Variants in NOS1AP observed in about 807,000 individuals in gnomAD.
The protein encoded by NOS1AP is carboxyl-terminal PDZ ligand of neuronal nitric oxide synthase protein.
A neutral mutation model predicts 56.2 loss-of-function variants in NOS1AP; 21 were observed. The observed-to-expected ratio is 0.37, with a 90% CI of 0.26 to 0.54. The LOEUF (loss-of-function observed/expected upper bound fraction) is 0.54, where lower values mean the gene tolerates loss of function less well. Among genes scored for constraint, NOS1AP ranks in the 20% least tolerant of loss-of-function variants. The pLI is 0.84. For missense variants in NOS1AP, 522 were observed against 657.8 expected (o/e 0.79, Z 2.26); for synonymous variants, 270 against 274.6 (o/e 0.98, Z 0.17).
intron 4 of NOS1AP, among the ~76,000 whole-genome samples, chr1:162,306,940 G>A (rs945486412): frequency 6.7e-6 from 1 of 148,896 alleles, no homozygotes; most frequent in Non-Finnish European, 1.5e-5. Flanking sequence ...TCCAGCCTGG[G>A]CAACAGAGTG....
intron 2 of NOS1AP, among the ~76,000 whole-genome samples, chr1:162,198,618 G>T (rs1490595027): frequency 6.6e-6 from 1 of 152,286 alleles, no homozygotes. Flanking sequence ...CATCTGCATG[G>T]TATTTGTTAG....
At position 162,247,700 on chromosome 1, in the gene NOS1AP, C is replaced by CG. The variant is rs397966688; in HGVS notation, c.178-39644_178-39643insG. 4.4e-3 allele frequency among the ~76,000 whole-genome samples: 670 copies of CG among 152,238 alleles called. 7 individuals are homozygous for CG. Among genetic ancestry groups the CG allele is most frequent in the African/African-American group, 0.016 (652 of 41,520 alleles). On this transcript the variant is annotated intron_variant, in intron 2 of 9. Transcript: ENST00000361897. ...AAAATAATTTTTGTCCCGTCCCCCC[C>CG]ACATTGTCCTCCTTCCATACCTACT...
intron 2 of NOS1AP, among the ~76,000 whole-genome samples, chr1:162,270,552 TAA>T (rs1359801218): frequency 6.6e-6 from 1 of 152,218 alleles, no homozygotes; most frequent in Admixed American, 6.5e-5. Context: ...GAGGTTTTTA[TAA>T]AGTGATATTT....
intron 2 of NOS1AP, among the ~76,000 whole-genome samples, chr1:162,172,114 C>A (rs772411520): frequency 6.6e-6 from 1 of 152,174 alleles, no homozygotes; most frequent in Non-Finnish European, 1.5e-5. Context: ...TACCCATCAC[C>A]AGTAAGACCT....
chr1:162,360,230 C>T (rs2101824964), intron 8 of NOS1AP, among the ~76,000 whole-genome samples: 1 of 152,300 alleles, frequency 6.6e-6, no homozygotes, highest in Admixed American at 6.5e-5. Flanking sequence ...TTAAGTATTT[C>T]CGGGTTAGAC....
At chr1:162,133,442 G>T (rs1648844334) in intron 1 of NOS1AP, among the ~76,000 whole-genome samples, 1 of 152,162 alleles carries the variant, frequency 6.6e-6, no homozygotes. Flanking sequence ...TTATCTAAAA[G>T]TCTATGAATG....
chr1:162,287,694 A>ACCC (rs530465271), intron 3 of NOS1AP, among the ~76,000 whole-genome samples: 16 of 151,308 alleles, frequency 1.1e-4, no homozygotes, highest in Admixed American at 2.0e-4. Context: ...CATGCCTTCA[A>ACCC]CCCCCCTCCC....
chr1:162,186,363 T>C (rs909347096), intron 2 of NOS1AP, among the ~76,000 whole-genome samples: 4 of 151,958 alleles, frequency 2.6e-5, no homozygotes, highest in African/African-American at 9.7e-5. Context: ...CTGACTCATA[T>C]ATATTGTATA....
At chr1:162,096,571 A>G (rs1692244851) in intron 1 of NOS1AP, among the ~76,000 whole-genome samples, 1 of 152,144 alleles carries the variant, frequency 6.6e-6, no homozygotes, top group East Asian at 1.9e-4. Context: ...TTCCCAAGAA[A>G]CAACCACTAT....
intron 3 of NOS1AP, among the ~76,000 whole-genome samples, chr1:162,299,101 T>C (rs1275285931): frequency 6.6e-6 from 1 of 152,210 alleles, no homozygotes; most frequent in East Asian, 1.9e-4. Flanking sequence ...ACAATGATAT[T>C]GGATGTTTAC....
At chr1:162,351,555 A>G (rs898945758) in intron 6 of NOS1AP, among the ~76,000 whole-genome samples, 3 of 151,434 alleles carry the variant, frequency 2.0e-5, no homozygotes, top group Non-Finnish European at 4.4e-5. Flanking sequence ...TCTGCATTCC[A>G]CCTCCATCTC....
At chr1:162,120,733 A>C (rs1193968390) in intron 1 of NOS1AP, among the ~76,000 whole-genome samples, 33 of 152,170 alleles carry the variant, frequency 2.2e-4, no homozygotes, top group Non-Finnish European at 2.9e-5. Context: ...CTCTCACAAC[A>C]CTTGGGAATT....
rs374674226 is a variant in NOS1AP, at chr1:162,180,469, C to T, written c.177+25993C>T. 5.3e-5 allele frequency among the ~76,000 whole-genome samples: 8 copies of T among 152,260 alleles called. No homozygotes were observed. The East Asian group carries it at 1.4e-3, about 26-fold the overall frequency. ...CCGTGTTAGCCAGGATGGTCTCGAT[C>T]TCCTGACCTTGTGATCCGCCTGCCT... is the stretch of plus-strand genomic sequence containing the variant. On this transcript the variant is annotated intron_variant, in intron 2 of 9. Coordinates refer to ENST00000361897, the MANE Select transcript of NOS1AP (RefSeq NM_014697.3).
chr1:162,353,039 C>T (rs1657573667), intron 6 of NOS1AP, among the ~76,000 whole-genome samples: 1 of 150,532 alleles, frequency 6.6e-6, no homozygotes, highest in South Asian at 2.1e-4. Flanking sequence ...ATCCCCACCC[C>T]CGCCCCCACC....
chr1:162,366,056 G>A (rs1397202219), intron 9 of NOS1AP, among the ~76,000 whole-genome samples: 1 of 152,160 alleles, frequency 6.6e-6, no homozygotes, highest in African/African-American at 2.4e-5. Context: ...TCTGTTCAGT[G>A]GATAAGGCAG....
chr1:162,244,855 GC>G (rs1305809851), intron 2 of NOS1AP, among the ~76,000 whole-genome samples: 1 of 152,190 alleles, frequency 6.6e-6, no homozygotes, highest in Non-Finnish European at 1.5e-5. Context: ...CAAAGTTAGT[GC>G]ATCTTTAGAG....
chr1:162,349,709 T>G (rs1287012416), intron 6 of NOS1AP, among the ~76,000 whole-genome samples: 5 of 152,210 alleles, frequency 3.3e-5, no homozygotes, highest in Admixed American at 1.3e-4. Context: ...AGTTTTCCAA[T>G]GCAGACTCCA....
chr1:162,147,946 G>A (rs1285625250), intron 1 of NOS1AP, among the ~76,000 whole-genome samples: 1 of 152,144 alleles, frequency 6.6e-6, no homozygotes. Context: ...GGGGATGCAG[G>A]AATGCTACAG....
chr1:162,309,661 A>G (rs1284892348), intron 4 of NOS1AP, among the ~76,000 whole-genome samples: 2 of 152,208 alleles, frequency 1.3e-5, no homozygotes, highest in African/African-American at 2.4e-5. Context: ...TGACTTCTGC[A>G]GAGCAGTTTC....
Sources: gnomAD v4.1 joint callset for allele counts (sites outside exome capture counted in the v4.1 genomes callset) on GRCh38, gnomAD v4.1.1 for gene constraint, MANE v1.5 for transcripts, NCBI Gene and HGNC (gene_info 2026-07-23, HGNC 2026-07-21) for gene names.